Variants in ME1 observed in about 807,000 individuals in gnomAD.
ME1 encodes malic enzyme 1.
Under a neutral mutation model 66.4 loss-of-function variants are expected in ME1, and 74 were observed. The ratio of observed to expected loss-of-function variants is 1.11; its 90% CI spans 0.92 to 1.35. ME1 has a LOEUF of 1.35. Among genes scored for constraint, ME1 ranks in the 40% most tolerant of loss-of-function variants. The probability of loss-of-function intolerance (pLI) is 0.00; values close to 1 mark genes in which losing one functional copy is unlikely to be tolerated. For missense variants in ME1, 750 were observed against 694.1 expected (o/e 1.08, Z -0.90); for synonymous variants, 251 against 235.6 (o/e 1.07, Z -0.60).
chr6:83,368,715 G>C (rs1474205010), intron 3 of ME1, among the ~76,000 whole-genome samples: 2 of 151,770 alleles, frequency 1.3e-5, no homozygotes, highest in East Asian at 3.8e-4. Context: ...ATATTTTTTG[G>C]CTTCTTATTA....
chr6:83,307,942 A>G (rs915312975), intron 6 of ME1, among the ~76,000 whole-genome samples: 2 of 152,154 alleles, frequency 1.3e-5, no homozygotes, highest in African/African-American at 4.8e-5. Flanking sequence ...TTGAAATCTG[A>G]TAAGTGACCC....
rs142365257 is a variant in ME1 at position 83,227,410 on chromosome 6, C to T, written c.1200G>A (p.Arg400=). Residue 400 remains arginine, a synonymous_variant, in exon 11 of 14, where the codon CGG becomes CGA. Coordinates refer to ENST00000369705, the MANE Select transcript of ME1 (RefSeq NM_002395.6). ...ILKDMAAFNE[R]PIIFALSNPT... ...GATTACTCAAAGCAAAAATAATAGG[C>T]CGTTCATTGAAGGCAGCCATATCTT... is the stretch of plus-strand genomic sequence containing the variant. 6.2e-7 allele frequency: 1 copy of T among 1,605,350 alleles called. No individual in the cohort carries two copies. The highest frequency in any genetic ancestry group is 1.3e-5 in the African/African-American group (1 of 74,860).
chr6:83,348,750 G>C (rs1002932051), intron 4 of ME1, among the ~76,000 whole-genome samples: 9 of 151,020 alleles, frequency 6.0e-5, no homozygotes, highest in Admixed American at 2.0e-4. Context: ...CACTTTGGGA[G>C]GCCGAGATGG....
intron 3 of ME1, among the ~76,000 whole-genome samples, chr6:83,380,689 G>A (rs185892849): frequency 6.6e-6 from 1 of 152,218 alleles, no homozygotes; most frequent in East Asian, 1.9e-4. Context: ...GGGATGTTAG[G>A]CTGGGGAGTG....
Position 83,419,863 on chromosome 6 carries a change from G to A in ME1, c.78+11014C>T, listed in dbSNP as rs147591140. Among the ~76,000 whole-genome samples the A allele has an allele frequency of 3.7e-3, 570 of 152,180 alleles. 7 individuals are homozygous for A. Among genetic ancestry groups the A allele is most frequent in the African/African-American group, 0.013 (548 of 41,506 alleles). The stretch of plus-strand genomic sequence containing the variant: ...ACAGAATCCTAATATTATTTGGGGT[G>A]GCAATGCATTAAATAAAAGACATTT... On this transcript the variant is annotated intron_variant, in intron 1 of 13. Coordinates refer to ENST00000369705, the MANE Select transcript of ME1 (RefSeq NM_002395.6).
intron 3 of ME1, among the ~76,000 whole-genome samples, chr6:83,389,363 C>T (rs1167785708): frequency 6.6e-6 from 1 of 152,040 alleles, no homozygotes; most frequent in Non-Finnish European, 1.5e-5. Flanking sequence ...ACCAACCAGG[C>T]ATTAAATCTA....
intron 7 of ME1, among the ~76,000 whole-genome samples, chr6:83,251,938 C>T (rs1790732070): frequency 6.6e-6 from 1 of 152,166 alleles, no homozygotes; most frequent in Non-Finnish European, 1.5e-5. Context: ...CTTAGATCTA[C>T]ATCTGACAAA....
intron 9 of ME1, among the ~76,000 whole-genome samples, chr6:83,230,228 G>A (rs1390093006): frequency 6.6e-6 from 1 of 151,754 alleles, no homozygotes; most frequent in African/African-American, 2.4e-5. Flanking sequence ...CCAGGCTGGA[G>A]TGCAGTGGCG....
chr6:83,215,627 G>A (rs2128522408), intron 13 of ME1, among the ~76,000 whole-genome samples: 1 of 152,268 alleles, frequency 6.6e-6, no homozygotes, highest in South Asian at 2.1e-4. Flanking sequence ...GTGTCCTTAA[G>A]AGAAGAGGAA....
chr6:83,414,125 A>C (rs11405050), intron 1 of ME1, among the ~76,000 whole-genome samples: 2,040 of 146,892 alleles, frequency 0.014, 54 homozygotes, highest in African/African-American at 0.045. Flanking sequence ...AAAAAAAAAA[A>C]AAAAAACTAA....
chr6:83,399,016 C>T (rs1311174873), intron 2 of ME1, among the ~76,000 whole-genome samples: 2 of 151,940 alleles, frequency 1.3e-5, no homozygotes, highest in Non-Finnish European at 2.9e-5. Context: ...TATTTTGAGA[C>T]AGAGTCTCGC....
chr6:83,302,534 T>A (rs962777404), intron 6 of ME1, among the ~76,000 whole-genome samples: 1 of 152,202 alleles, frequency 6.6e-6, no homozygotes, highest in Non-Finnish European at 1.5e-5. Context: ...CCCTGACCTC[T>A]AATATCTTGA....
intron 3 of ME1, among the ~76,000 whole-genome samples, chr6:83,381,814 A>G (rs1225644462): frequency 2.0e-5 from 3 of 152,048 alleles, no homozygotes; most frequent in African/African-American, 7.2e-5. Flanking sequence ...TATTTTATCC[A>G]CATGGCAGCC....
At chr6:83,346,785 T>TC (rs1768695438) in intron 4 of ME1, among the ~76,000 whole-genome samples, 1 of 152,050 alleles carries the variant, frequency 6.6e-6, no homozygotes, top group Non-Finnish European at 1.5e-5. Flanking sequence ...CCTGGCCCTA[T>TC]CCTCCTATTT....
chr6:83,248,557 G>T (rs891015688), intron 7 of ME1, among the ~76,000 whole-genome samples: 1 of 152,136 alleles, frequency 6.6e-6, no homozygotes, highest in Non-Finnish European at 1.5e-5. Flanking sequence ...TTGAGGGAGG[G>T]ACCTGTAGTT....
chr6:83,227,597 C>A, intron 10 of ME1, 120 bp from the exon 11 acceptor site: 2 of 768,954 alleles, frequency 2.6e-6, no homozygotes, highest in Non-Finnish European at 3.9e-6. Context: ...AAACAAAATG[C>A]TATATAAACT....
chr6:83,272,921 T>G (rs1562465768), intron 6 of ME1, among the ~76,000 whole-genome samples: 1 of 152,118 alleles, frequency 6.6e-6, no homozygotes. Flanking sequence ...ACGCCTATAA[T>G]CCCAGCACTT....
chr6:83,284,064 T>C (rs1237882234), intron 6 of ME1, among the ~76,000 whole-genome samples: 1 of 152,096 alleles, frequency 6.6e-6, no homozygotes, highest in Non-Finnish European at 1.5e-5. Flanking sequence ...TTGCAACCAA[T>C]TCCACAGAAA....
At position 83,216,024 on chromosome 6, in the gene ME1, A is replaced by C. The variant is rs113917346; in HGVS notation, c.1548+474T>G. On this transcript the variant is annotated intron_variant, in intron 13 of 13. Transcript: ENST00000369705. ...ACCCAAACAGCTTTCAAGTTCTTTG[A>C]CCTCTTTATTTTGCCTTCCGCCCAG... is the stretch of plus-strand genomic sequence containing the variant. Among the ~76,000 whole-genome samples the C allele has an allele frequency of 1.7e-3, 252 of 152,144 alleles. 1 individual carries two copies. The highest frequency in any genetic ancestry group is 5.8e-3 in the African/African-American group (241 of 41,518).
Sources: gnomAD v4.1 joint callset for allele counts (sites outside exome capture counted in the v4.1 genomes callset) on GRCh38, gnomAD v4.1.1 for gene constraint, MANE v1.5 for transcripts, NCBI Gene and HGNC (gene_info 2026-07-23, HGNC 2026-07-21) for gene names.